Variants in NFATC3 observed in about 807,000 individuals in gnomAD.
NFATC3 encodes nuclear factor of activated T cells 3.
Under a neutral mutation model 98.6 loss-of-function variants are expected in NFATC3, and 46 were observed. That is an observed-to-expected ratio of 0.47 (90% CI 0.37 to 0.60). The LOEUF (loss-of-function observed/expected upper bound fraction) is 0.60, where lower values mean the gene tolerates loss of function less well. Among genes scored for constraint, NFATC3 ranks in the 20% least tolerant of loss-of-function variants. The pLI, the probability that NFATC3 is intolerant of heterozygous loss-of-function variation, is 0.00. For synonymous variants in NFATC3, 512 were observed against 472.2 expected (o/e 1.08, Z -1.09); for missense variants, 1,256 against 1,295.5 (o/e 0.97, Z 0.47).
intron 8 of NFATC3, among the ~76,000 whole-genome samples, chr16:68,189,833 G>A (rs1333212051): frequency 6.6e-6 from 1 of 152,182 alleles, no homozygotes; most frequent in Non-Finnish European, 1.5e-5. Context: ...GGAGGTTGAG[G>A]TGGGAGGATT....
rs532593945 is a variant in NFATC3 at position 68,118,320 on chromosome 16, T to C, written c.104-3667T>C. On this transcript the variant is annotated intron_variant, in intron 1 of 9. Transcript: ENST00000346183. ...TTACCATTTTTAATTTGTGTTTTTG[T>C]CAGTCTCTCCTGAGACTGACTGCTT... 7.9e-5 allele frequency among the ~76,000 whole-genome samples: 12 copies of C among 152,334 alleles called. No individual in the cohort carries two copies. The South Asian group carries it at 2.5e-3, about 32-fold the overall frequency.
chr16:68,134,308 T>C (rs991665236), intron 3 of NFATC3, among the ~76,000 whole-genome samples: 2 of 152,140 alleles, frequency 1.3e-5, no homozygotes, highest in Non-Finnish European at 2.9e-5. Flanking sequence ...ACTACAGGCA[T>C]GTACCACCAC....
At chr16:68,147,407 T>C (rs375491748) in intron 3 of NFATC3, among the ~76,000 whole-genome samples, 2 of 152,228 alleles carry the variant, frequency 1.3e-5, no homozygotes, top group East Asian at 3.8e-4. Context: ...TTAGAAATAA[T>C]GTATTGACTA....
intron 1 of NFATC3, among the ~76,000 whole-genome samples, chr16:68,117,918 A>G (rs746817535): frequency 2.0e-5 from 3 of 152,170 alleles, no homozygotes; most frequent in Non-Finnish European, 2.9e-5. Context: ...CTCATATATA[A>G]TAGAAATCAT....
intron 8 of NFATC3, among the ~76,000 whole-genome samples, chr16:68,190,314 A>G (rs1162715034): frequency 6.6e-6 from 1 of 152,220 alleles, no homozygotes; most frequent in African/African-American, 2.4e-5. Context: ...GTAAAACCAG[A>G]TGACTTGGTA....
intron 3 of NFATC3, among the ~76,000 whole-genome samples, chr16:68,147,819 A>T (rs2038112879): frequency 6.7e-6 from 1 of 150,096 alleles, no homozygotes; most frequent in South Asian, 2.1e-4. Flanking sequence ...AACTATAACC[A>T]CTCTCTACCT....
At chr16:68,214,314 T>TC (rs2041543551) in intron 9 of NFATC3, 3 of 1,608,364 alleles carry the variant, frequency 1.9e-6, no homozygotes, top group African/African-American at 2.7e-5. Context: ...AGTGATGTTG[T>TC]CTTCTTTGAC....
intron 9 of NFATC3, among the ~76,000 whole-genome samples, chr16:68,199,187 G>T (rs2040798737): frequency 6.6e-6 from 1 of 152,002 alleles, no homozygotes; most frequent in Non-Finnish European, 1.5e-5. Context: ...CTGCACTGCA[G>T]CGTGGGCAAC....
intron 1 of NFATC3, chr16:68,089,059 A>G: frequency 2.0e-6 from 2 of 985,444 alleles, no homozygotes; most frequent in African/African-American, 1.7e-5. Context: ...GAATTGTTTC[A>G]GTTCTTTGGC....
intron 9 of NFATC3, chr16:68,225,219 T>A (rs895798643): frequency 2.0e-5 from 3 of 152,248 alleles, no homozygotes; most frequent in African/African-American, 7.2e-5. Context: ...CCCAAAATGC[T>A]GAGATTACAG....
chr16:68,104,363 GTGTTGA>G (rs2035529303), intron 1 of NFATC3, among the ~76,000 whole-genome samples: 1 of 152,090 alleles, frequency 6.6e-6, no homozygotes, highest in African/African-American at 2.4e-5. Flanking sequence ...AGAATTTTAT[GTGTTGA>G]TGTTTTACCC....
At chr16:68,123,451 A>G (rs896152700) in intron 2 of NFATC3, among the ~76,000 whole-genome samples, 13 of 149,868 alleles carry the variant, frequency 8.7e-5, no homozygotes, top group Admixed American at 2.7e-4. Flanking sequence ...GCTTGAGCCC[A>G]GGAGTTTGAG....
At chr16:68,110,593 C>T (rs1387213651) in intron 1 of NFATC3, among the ~76,000 whole-genome samples, 3 of 150,596 alleles carry the variant, frequency 2.0e-5, no homozygotes, top group African/African-American at 4.9e-5. Flanking sequence ...GGATTATAGG[C>T]GTGAGCCACC....
chr16:68,150,666 A>G (rs886146287), intron 3 of NFATC3, among the ~76,000 whole-genome samples: 14 of 152,332 alleles, frequency 9.2e-5, no homozygotes, highest in African/African-American at 3.1e-4. Flanking sequence ...AAAAATAAAT[A>G]TATAAACTAA....
At chr16:68,212,327 C>G (rs2041442287) in intron 9 of NFATC3, 1 of 152,034 alleles carries the variant, frequency 6.6e-6, no homozygotes, top group East Asian at 1.9e-4. Flanking sequence ...TTGACTCTTC[C>G]TTTGTTTTTC....
chr16:68,121,556 G>C (rs2036582413), intron 1 of NFATC3, among the ~76,000 whole-genome samples: 2 of 151,054 alleles, frequency 1.3e-5, no homozygotes, highest in Admixed American at 1.3e-4. Flanking sequence ...CTGTGTCCCA[G>C]CTACTCCAGA....
chr16:68,163,689 G>C (rs2151588637), intron 4 of NFATC3, among the ~76,000 whole-genome samples: 1 of 151,608 alleles, frequency 6.6e-6, no homozygotes, highest in East Asian at 2.0e-4. Context: ...CTCTGACGGG[G>C]CGGCCGGGCA....
intron 1 of NFATC3, among the ~76,000 whole-genome samples, chr16:68,121,091 CAAA>C (rs528510702): frequency 7.1e-6 from 1 of 140,114 alleles, no homozygotes; most frequent in Non-Finnish European, 1.6e-5. Context: ...GTAAATGGGC[CAAA>C]AAAAAAAAAT....
chr16:68,216,860 G>C (rs1219161089), intron 9 of NFATC3, among the ~76,000 whole-genome samples: 1 of 152,100 alleles, frequency 6.6e-6, no homozygotes, highest in East Asian at 1.9e-4. Flanking sequence ...AAAGGAAGGA[G>C]TCTTAAGAGG....
Sources: gnomAD v4.1 joint callset for allele counts (sites outside exome capture counted in the v4.1 genomes callset) on GRCh38, gnomAD v4.1.1 for gene constraint, MANE v1.5 for transcripts, NCBI Gene and HGNC (gene_info 2026-07-23, HGNC 2026-07-21) for gene names.